The following PIWIL2 variants were observed in gnomAD, a reference collection of about 807,000 sequenced individuals.
PIWIL2 encodes piwi like RNA-mediated gene silencing 2.
PIWIL2 carries 81 observed loss-of-function variants against 116.5 expected under a neutral mutation model. The observed-to-expected ratio is 0.70, with a 90% CI of 0.58 to 0.84. PIWIL2 has a LOEUF of 0.84. Among genes scored for constraint, PIWIL2 ranks in the 40% least tolerant of loss-of-function variants. PIWIL2 has a pLI of 0.00. For synonymous variants in PIWIL2, 489 were observed against 429.5 expected (o/e 1.14, Z -1.71); for missense variants, 1,272 against 1,212.3 (o/e 1.05, Z -0.73).
intron 20 of PIWIL2, among the ~76,000 whole-genome samples, chr8:22,325,862 T>C (rs1831713162): frequency 6.6e-6 from 1 of 152,150 alleles, no homozygotes; most frequent in East Asian, 1.9e-4. Context: ...AGTAAGTAAG[T>C]GTCTGCTCAT....
intron 20 of PIWIL2, among the ~76,000 whole-genome samples, chr8:22,322,377 A>G (rs1205731027): frequency 2.6e-5 from 4 of 151,976 alleles, no homozygotes; most frequent in East Asian, 1.9e-4. Flanking sequence ...CAGCCTCCCA[A>G]GTAGCTGGGA....
At chr8:22,292,266 CCCAACTT>C (rs1830783982) in intron 10 of PIWIL2, among the ~76,000 whole-genome samples, 1 of 151,540 alleles carries the variant, frequency 6.6e-6, no homozygotes, top group African/African-American at 2.4e-5. Context: ...ACGGGCAAGA[CCCAACTT>C]GGACTGTTGA....
intron 6 of PIWIL2, 127 bp from the exon 7 acceptor site, chr8:22,287,397 CAGAT>C: frequency 1.4e-6 from 1 of 703,494 alleles, no homozygotes; most frequent in Admixed American, 1.9e-5. Flanking sequence ...AAGTTCTAGG[CAGAT>C]AGATAATTTT....
intron 10 of PIWIL2, among the ~76,000 whole-genome samples, chr8:22,294,682 T>A (rs1417262740): frequency 6.8e-6 from 1 of 147,724 alleles, no homozygotes. Flanking sequence ...AAACATCAGT[T>A]GGCATTTTGA....
chr8:22,352,660 T>G, intron 20 of PIWIL2: 1 of 292,768 alleles, frequency 3.4e-6, no homozygotes, highest in Non-Finnish European at 6.4e-6. Flanking sequence ...TTCCCAGCAT[T>G]CCTTTGAACT....
At chr8:22,306,696 CAT>C (rs1831189823) in intron 13 of PIWIL2, among the ~76,000 whole-genome samples, 1 of 152,208 alleles carries the variant, frequency 6.6e-6, no homozygotes, top group African/African-American at 2.4e-5. Flanking sequence ...TTGGTAACAT[CAT>C]AAAGAAAGAG....
intron 4 of PIWIL2, among the ~76,000 whole-genome samples, chr8:22,282,332 A>G (rs532074424): frequency 1.3e-4 from 18 of 134,346 alleles, no homozygotes; most frequent in African/African-American, 4.8e-4. Context: ...GCTCACTGCA[A>G]CCTCCGCCTC....
intron 10 of PIWIL2, among the ~76,000 whole-genome samples, chr8:22,299,466 C>T (rs1830993150): frequency 6.6e-6 from 1 of 152,116 alleles, no homozygotes; most frequent in African/African-American, 2.4e-5. Flanking sequence ...CCTCGGCTTC[C>T]CAAAGTGCTG....
At chr8:22,322,931 T>C (rs1299915158) in intron 20 of PIWIL2, among the ~76,000 whole-genome samples, 1 of 152,132 alleles carries the variant, frequency 6.6e-6, no homozygotes, top group Non-Finnish European at 1.5e-5. Context: ...TTGTTGTTGT[T>C]GTTTGAGGCA....
intron 6 of PIWIL2, among the ~76,000 whole-genome samples, chr8:22,287,095 A>AT: frequency 6.6e-6 from 1 of 151,606 alleles, no homozygotes; most frequent in East Asian, 1.9e-4. Context: ...AAAAAAAAAA[A>AT]GGGAGATGGG....
chr8:22,281,142 T>C lies in PIWIL2; in HGVS notation c.221T>C (p.Met74Thr). 6 of 1,612,480 alleles carry C rather than the reference T, an allele frequency of 3.7e-6. No homozygotes were observed. The highest frequency in any genetic ancestry group is 5.1e-6 in the Non-Finnish European group (6 of 1,179,320). Reference sequence around the variant, plus strand: ...CAGGAGTCTGTGGGTTTGGTCTCCATGTTCCGAGGCCTGGGCATTGAAACA... The same window carrying C: ...CAGGAGTCTGTGGGTTTGGTCTCCACGTTCCGAGGCCTGGGCATTGAAACA... ...AQRESVGLVSMFRGLGIETVS... is the reference protein window; with the variant it reads ...AQRESVGLVSTFRGLGIETVS... Residue 74 changes from methionine to threonine, a missense_variant, in exon 3 of 23, where the codon ATG (methionine) becomes ACG (threonine). Coordinates refer to ENST00000356766, the MANE Select transcript of PIWIL2 (RefSeq NM_018068.5).
At position 22,355,827 on chromosome 8, in the gene PIWIL2, A is replaced by C. The variant is rs2132119520; in HGVS notation, c.*322A>C. The C allele has an allele frequency of 3.8e-6, 1 of 264,468 alleles. No individual in the cohort carries two copies. Among genetic ancestry groups the C allele is most frequent in the Admixed American group, 4.3e-5 (1 of 23,150 alleles). 16.4% of individuals were successfully genotyped at this position (264,468 alleles called of 1,614,324 possible). ...GGTGGTTCACACCTGTAATCCAAGCACTTTGGGAGGCCGAGGCGGGTGGAT... is the reference window on the plus strand; with the variant it reads ...GGTGGTTCACACCTGTAATCCAAGCCCTTTGGGAGGCCGAGGCGGGTGGAT... On this transcript the variant is annotated 3_prime_UTR_variant, in exon 23 of 23. Coordinates refer to ENST00000356766, the MANE Select transcript of PIWIL2 (RefSeq NM_018068.5).
chr8:22,341,101 C>T (rs1174483811), intron 20 of PIWIL2, among the ~76,000 whole-genome samples: 2 of 152,092 alleles, frequency 1.3e-5, no homozygotes, highest in East Asian at 1.9e-4. Context: ...TGTTTTGAGC[C>T]ACCCAGTTCA....
At chr8:22,286,912 G>A (rs1036880558) in intron 6 of PIWIL2, among the ~76,000 whole-genome samples, 1 of 151,828 alleles carries the variant, frequency 6.6e-6, no homozygotes, top group African/African-American at 2.4e-5. Context: ...ATGAGCCACC[G>A]AGCCAGGGCA....
intron 8 of PIWIL2, 94 bp downstream of exon 8, chr8:22,288,760 T>C (rs1830689772): frequency 8.7e-7 from 1 of 1,143,808 alleles, no homozygotes; most frequent in Non-Finnish European, 1.3e-6. Flanking sequence ...TACGTGACAG[T>C]ATATTCTAGA....
Position 22,304,094 on chromosome 8 carries a change from A to G in PIWIL2, c.1255A>G (p.Ile419Val). 1.9e-6 allele frequency: 3 copies of G among 1,612,754 alleles called. No individual in the cohort carries two copies. Among genetic ancestry groups the G allele is most frequent in the Admixed American group, 1.7e-5 (1 of 60,020 alleles). The change falls in exon 11 of 23, where the codon ATC (isoleucine) becomes GTC (valine). Residue 419 changes from isoleucine (I) to valine (V), a missense_variant. Physicochemically the swap from Ile to Val is conservative, Grantham distance 29. Coordinates refer to ENST00000356766, the MANE Select transcript of PIWIL2 (RefSeq NM_018068.5). Reference sequence around the variant, plus strand: ...TAAGCTTCTGGTTGGCAATATTGTTATCACCCGATATAACAATCGTACCTA... The same window carrying G: ...TAAGCTTCTGGTTGGCAATATTGTTGTCACCCGATATAACAATCGTACCTA... ...CTKLLVGNIV[I>V]TRYNNRTYRI...
At chr8:22,282,977 T>C (rs1236418259) in intron 4 of PIWIL2, 57 bp from the exon 5 acceptor site, 4 of 1,305,662 alleles carry the variant, frequency 3.1e-6, no homozygotes, top group East Asian at 4.6e-5. Context: ...GGGAATAATC[T>C]GGATGGGACA....
At chr8:22,350,191 C>T (rs930632671) in intron 20 of PIWIL2, among the ~76,000 whole-genome samples, 7 of 152,182 alleles carry the variant, frequency 4.6e-5, no homozygotes, top group East Asian at 3.9e-4. Flanking sequence ...GGCTAGGGCA[C>T]GTTGACTAAT....
At position 22,344,887 on chromosome 8, in the gene PIWIL2, A is replaced by C. The variant is rs573511373; in HGVS notation, c.2404-8072A>C. Among the ~76,000 whole-genome samples, 5 of 152,302 alleles carry C rather than the reference A, an allele frequency of 3.3e-5. No homozygotes were observed. In the South Asian group the frequency reaches 1.0e-3, roughly 32 times the overall value. Reference sequence around the variant, plus strand: ...TAAGACCCTTTTAAAGAAAAGATTAAAATAAAATTTAAAAGACAAGTAATA... The same window carrying C: ...TAAGACCCTTTTAAAGAAAAGATTACAATAAAATTTAAAAGACAAGTAATA... On this transcript the variant is annotated intron_variant, in intron 20 of 22. Coordinates refer to ENST00000356766, the MANE Select transcript of PIWIL2 (RefSeq NM_018068.5).
Sources: gnomAD v4.1 joint callset for allele counts (sites outside exome capture counted in the v4.1 genomes callset) on GRCh38, gnomAD v4.1.1 for gene constraint, MANE v1.5 for transcripts, NCBI Gene and HGNC (gene_info 2026-07-23, HGNC 2026-07-21) for gene names.